Variants in RFX8 observed in about 807,000 individuals in gnomAD.
RFX8 encodes DNA-binding protein RFX8.
In RFX8, 46 loss-of-function variants were observed where a neutral mutation model predicts 54.6. The observed-to-expected ratio is 0.84, with a 90% CI of 0.67 to 1.08. RFX8 has a LOEUF of 1.08. RFX8 is among the 50% of genes least tolerant of loss of function. The pLI, the probability that RFX8 is intolerant of heterozygous loss-of-function variation, is 0.00. For synonymous variants in RFX8, 192 were observed against 209.5 expected (o/e 0.92, Z 0.72); for missense variants, 536 against 562.3 (o/e 0.95, Z 0.47).
At chr2:101,433,753 C>T (rs1338107989) in intron 2 of RFX8, among the ~76,000 whole-genome samples, 1 of 152,110 alleles carries the variant, frequency 6.6e-6, no homozygotes, top group Non-Finnish European at 1.5e-5. Context: ...TGTAATAAAA[C>T]CTAATTCATG....
At chr2:101,457,468 C>T (rs1689036648) in intron 2 of RFX8, among the ~76,000 whole-genome samples, 1 of 152,162 alleles carries the variant, frequency 6.6e-6, no homozygotes, top group South Asian at 2.1e-4. Flanking sequence ...TTTATTTATC[C>T]AGTAGTCATT....
intron 11 of RFX8, 73 bp from the exon 12 acceptor site, chr2:101,397,797 T>G: frequency 7.7e-7 from 1 of 1,290,444 alleles, no homozygotes; most frequent in South Asian, 1.6e-5. Flanking sequence ...GGAACTACCA[T>G]TTGAATTCTT....
At chr2:101,458,390 T>C (rs926226197) in intron 2 of RFX8, among the ~76,000 whole-genome samples, 4 of 152,228 alleles carry the variant, frequency 2.6e-5, no homozygotes, top group Non-Finnish European at 4.4e-5. Context: ...CAGGAGCTCT[T>C]GTAAGACAGG....
intron 4 of RFX8, chr2:101,421,270 G>A (rs1338169015): frequency 2.0e-6 from 2 of 985,932 alleles, no homozygotes; most frequent in East Asian, 1.1e-4. Context: ...ATTTATTCAT[G>A]TTTTCCACAG....
chr2:101,460,391 T>C (rs1689202024), intron 2 of RFX8, among the ~76,000 whole-genome samples: 1 of 152,120 alleles, frequency 6.6e-6, no homozygotes, highest in Non-Finnish European at 1.5e-5. Flanking sequence ...CAGACCCCAT[T>C]TTCACTTTTT....
At chr2:101,426,745 G>A (rs1199299716) in intron 2 of RFX8, among the ~76,000 whole-genome samples, 1 of 152,090 alleles carries the variant, frequency 6.6e-6, no homozygotes, top group South Asian at 2.1e-4. Context: ...GGAGTCTGAT[G>A]TGTGCCACCT....
intron 2 of RFX8, among the ~76,000 whole-genome samples, chr2:101,446,527 G>C (rs1401734123): frequency 6.6e-6 from 1 of 151,682 alleles, no homozygotes; most frequent in Non-Finnish European, 1.5e-5. Context: ...AAAAGCACCT[G>C]TTGCTGGCCT....
rs1344423446 is a variant in RFX8 at position 101,465,325 on chromosome 2, T to C, written c.72+1452A>G. On this transcript the variant is annotated intron_variant, in intron 2 of 11. Coordinates refer to ENST00000428343, the MANE Select transcript of RFX8 (RefSeq NM_001145664.2). Reference sequence around the variant, plus strand: ...ATCGAGACCATCCTGGCCAACATAGTGAAACCCAGTCTCTACTAAAATAAA... The same window carrying C: ...ATCGAGACCATCCTGGCCAACATAGCGAAACCCAGTCTCTACTAAAATAAA... Among the ~76,000 whole-genome samples the C allele has an allele frequency of 2.6e-5, 4 of 152,000 alleles. No individual in the cohort carries two copies. The East Asian group carries it at 7.7e-4, about 29-fold the overall frequency.
At chr2:101,450,923 G>C (rs770718628) in intron 2 of RFX8, among the ~76,000 whole-genome samples, 12 of 152,128 alleles carry the variant, frequency 7.9e-5, no homozygotes, top group Non-Finnish European at 1.8e-4. Flanking sequence ...CTGCTTGCCT[G>C]ATGCAGCACA....
At chr2:101,419,072 G>A (rs1686705138) in intron 4 of RFX8, 108 bp from the exon 5 acceptor site, 2 of 629,698 alleles carry the variant, frequency 3.2e-6, no homozygotes, top group African/African-American at 3.7e-5. Flanking sequence ...GATGAATTTT[G>A]TTCCAGTGCG....
chr2:101,444,143 C>A (rs1461024774), intron 2 of RFX8, among the ~76,000 whole-genome samples: 1 of 152,210 alleles, frequency 6.6e-6, no homozygotes, highest in Non-Finnish European at 1.5e-5. Context: ...CCTCCTTACA[C>A]CAAGGGGCAT....
intron 9 of RFX8, among the ~76,000 whole-genome samples, chr2:101,408,836 G>A (rs1685915551): frequency 6.6e-6 from 1 of 152,172 alleles, no homozygotes; most frequent in African/African-American, 2.4e-5. Context: ...CAGTCTTCTT[G>A]GTCTCAGTGA....
intron 2 of RFX8, among the ~76,000 whole-genome samples, chr2:101,443,420 C>G (rs1313567090): frequency 1.3e-5 from 2 of 152,208 alleles, no homozygotes; most frequent in Non-Finnish European, 2.9e-5. Flanking sequence ...GCATTCCACT[C>G]ACTAGTAATA....
intron 2 of RFX8, among the ~76,000 whole-genome samples, chr2:101,443,001 A>C (rs1415827591): frequency 6.6e-6 from 1 of 152,016 alleles, no homozygotes. Flanking sequence ...GGTGTCTCAG[A>C]CCCAGGAAGG....
intron 6 of RFX8, among the ~76,000 whole-genome samples, chr2:101,416,643 A>G (rs1182999921): frequency 6.6e-6 from 1 of 152,212 alleles, no homozygotes; most frequent in Non-Finnish European, 1.5e-5. Context: ...CGAGAGCTGC[A>G]GGCAATGATA....
intron 2 of RFX8, among the ~76,000 whole-genome samples, chr2:101,447,028 A>G (rs183703493): frequency 1.0e-3 from 153 of 152,312 alleles, no homozygotes; most frequent in African/African-American, 3.4e-3. Flanking sequence ...TAAGAGGAAG[A>G]GCTGGTTTGG....
chr2:101,449,144 A>G (rs1316786673), intron 2 of RFX8, among the ~76,000 whole-genome samples: 1 of 150,740 alleles, frequency 6.6e-6, no homozygotes, highest in Non-Finnish European at 1.5e-5. Context: ...GGGAAAAGTG[A>G]GTGTGGCTTA....
At chr2:101,414,998 G>A in intron 6 of RFX8, 86 bp from the exon 7 acceptor site, 2 of 1,060,432 alleles carry the variant, frequency 1.9e-6, no homozygotes, top group South Asian at 2.9e-5. Flanking sequence ...CATGTTTGGG[G>A]TAGGAAGGCA....
intron 2 of RFX8, among the ~76,000 whole-genome samples, chr2:101,446,548 C>T (rs1040148630): frequency 2.0e-4 from 30 of 152,240 alleles, no homozygotes; most frequent in African/African-American, 7.2e-4. Context: ...TATCTCATGA[C>T]CAGCCGATGT....
Sources: gnomAD v4.1 joint callset for allele counts (sites outside exome capture counted in the v4.1 genomes callset) on GRCh38, gnomAD v4.1.1 for gene constraint, MANE v1.5 for transcripts, NCBI Gene and HGNC (gene_info 2026-07-23, HGNC 2026-07-21) for gene names.